GASK1A: variants seen among roughly 807,000 people sequenced by gnomAD.
The protein encoded by GASK1A is Golgi-associated kinase 1A.
In GASK1A, 40 loss-of-function variants were observed where a neutral mutation model predicts 41.2. The observed-to-expected ratio is 0.97, with a 90% CI of 0.75 to 1.27. The LOEUF (loss-of-function observed/expected upper bound fraction) is 1.27, where lower values mean the gene tolerates loss of function less well. Among genes scored for constraint, GASK1A ranks in the 50% most tolerant of loss-of-function variants. The probability of loss-of-function intolerance (pLI) is 0.00; values close to 1 mark genes in which losing one functional copy is unlikely to be tolerated. For missense variants in GASK1A, 678 were observed against 745.1 expected (o/e 0.91, Z 1.05); for synonymous variants, 316 against 307.1 (o/e 1.03, Z -0.30).
intron 2 of GASK1A, among the ~76,000 whole-genome samples, chr3:43,038,600 T>TA (rs1194556308): frequency 3.2e-4 from 4 of 12,442 alleles, no homozygotes; most frequent in African/African-American, 3.5e-4. Flanking sequence ...TCTTTGATCT[T>TA]TAAAAAAAAA....
intron 1 of GASK1A, among the ~76,000 whole-genome samples, chr3:42,996,515 C>T (rs1054291769): frequency 1.3e-5 from 2 of 152,122 alleles, no homozygotes; most frequent in African/African-American, 4.8e-5. Context: ...GAATGGACCA[C>T]CCTATGAAGG....
chr3:43,011,498 C>T (rs765295015), intron 1 of GASK1A, among the ~76,000 whole-genome samples: 14 of 152,088 alleles, frequency 9.2e-5, no homozygotes, highest in Non-Finnish European at 1.8e-4. Context: ...GCAGGGCTGG[C>T]TTCTAGGATT....
chr3:43,040,103 C>T (rs980526802), intron 2 of GASK1A, among the ~76,000 whole-genome samples: 14 of 152,104 alleles, frequency 9.2e-5, no homozygotes, highest in African/African-American at 3.1e-4. Flanking sequence ...CTCATTTCAG[C>T]GTTATTTTTA....
chr3:43,013,317 G>T (rs571882321), intron 1 of GASK1A, among the ~76,000 whole-genome samples: 10 of 152,018 alleles, frequency 6.6e-5, no homozygotes, highest in Admixed American at 4.6e-4. Flanking sequence ...CACAGGAAGG[G>T]GCAGTGAGAA....
At chr3:43,034,406 A>G (rs2089595064) in intron 2 of GASK1A, among the ~76,000 whole-genome samples, 2 of 152,170 alleles carry the variant, frequency 1.3e-5, no homozygotes, top group Non-Finnish European at 1.5e-5. Context: ...GGCACCAGCT[A>G]TTTACTAACT....
chr3:42,980,716 C>A (rs1001180294), intron 1 of GASK1A, among the ~76,000 whole-genome samples: 1 of 152,036 alleles, frequency 6.6e-6, no homozygotes, highest in Non-Finnish European at 1.5e-5. Flanking sequence ...GGGAAGGGTA[C>A]CTTTGAGGCT....
chr3:42,984,192 A>G lies in GASK1A; in HGVS notation c.3+4547A>G, dbSNP rs1353718257. ...CCTCATTTTCTGGATGTGTCTGCACAGGCCTGTGTGTGAAGGACCACTTGG... is the reference window on the plus strand; with the variant it reads ...CCTCATTTTCTGGATGTGTCTGCACGGGCCTGTGTGTGAAGGACCACTTGG... On this transcript the variant is annotated intron_variant, in intron 1 of 4. Transcript: ENST00000430121. This position sits in a 1 kb window ranked among gnomAD's most constrained non-coding sequence, Gnocchi z 4.2. Among the ~76,000 whole-genome samples, 1 of 152,080 alleles carries G rather than the reference A, an allele frequency of 6.6e-6. No individual in the cohort carries two copies. Among genetic ancestry groups the G allele is most frequent in the Admixed American group, 6.5e-5 (1 of 15,272 alleles).
At chr3:43,029,853 G>A (rs984799420) in intron 1 of GASK1A, among the ~76,000 whole-genome samples, 7 of 152,062 alleles carry the variant, frequency 4.6e-5, no homozygotes, top group Admixed American at 1.3e-4. Context: ...AAATGTGTTC[G>A]GTTCCTGCAG....
intron 1 of GASK1A, among the ~76,000 whole-genome samples, chr3:43,004,666 G>A (rs564481468): frequency 1.5e-4 from 23 of 152,136 alleles, no homozygotes; most frequent in Admixed American, 1.4e-3. Flanking sequence ...CTTTCACCAC[G>A]TTTCCCCATC....
intron 1 of GASK1A, among the ~76,000 whole-genome samples, chr3:42,983,742 T>C (rs1203764846): frequency 6.6e-6 from 1 of 152,208 alleles, no homozygotes; most frequent in East Asian, 1.9e-4. Flanking sequence ...CCCTCTCTCT[T>C]CTGGGGTACA....
At chr3:42,992,291 A>G (rs1366701992) in intron 1 of GASK1A, among the ~76,000 whole-genome samples, 1 of 146,172 alleles carries the variant, frequency 6.8e-6, no homozygotes, top group Non-Finnish European at 1.6e-5. Context: ...ATCAGAACTG[A>G]ATTCAAACCC....
rs1214923035 is a variant in GASK1A at position 42,979,486 on chromosome 3, G to A, written c.-157G>A. Reference sequence around the variant, plus strand: ...GCAGGGCCACTTGGCTGCAGAGAACGTGTGCACCTTCAGTCCGGGAAACCC... The same window carrying A: ...GCAGGGCCACTTGGCTGCAGAGAACATGTGCACCTTCAGTCCGGGAAACCC... On this transcript the variant is annotated 5_prime_UTR_variant, in exon 1 of 5. The change creates a new upstream start codon in the 5' untranslated region. Transcript: ENST00000430121. 2 of 716,362 alleles carry A rather than the reference G, an allele frequency of 2.8e-6. No individual in the cohort carries two copies. Among genetic ancestry groups the A allele is most frequent in the Non-Finnish European group, 3.9e-6 (2 of 516,794 alleles). The allele number at this position is 716,362 out of a possible 1,614,324, so 44.4% of individuals were successfully genotyped here.
At position 43,016,466 on chromosome 3, in the gene GASK1A, A is replaced by G. The variant is rs575426280; in HGVS notation, c.4-15801A>G. On this transcript the variant is annotated intron_variant, in intron 1 of 4. Coordinates refer to ENST00000430121, the MANE Select transcript of GASK1A (RefSeq NM_001129908.3). ...AGGAAGGGCAGTGTAAAGTCACAGG[A>G]AGGGGCAATGTGAAGCCCCAGGAAG... Among the ~76,000 whole-genome samples the G allele has an allele frequency of 1.7e-4, 25 of 151,202 alleles. No homozygotes were observed. The East Asian group carries it at 4.7e-3, about 29-fold the overall frequency.
chr3:43,031,161 T>C (rs769123116), intron 1 of GASK1A, among the ~76,000 whole-genome samples: 2 of 152,224 alleles, frequency 1.3e-5, no homozygotes, highest in Non-Finnish European at 2.9e-5. Flanking sequence ...TGATTTGGAC[T>C]AGATTGTCCA....
intron 2 of GASK1A, chr3:43,037,419 C>A: frequency 1.1e-6 from 1 of 896,550 alleles, no homozygotes; most frequent in South Asian, 1.5e-5. Flanking sequence ...AGAAGCTGCT[C>A]TGGAGGCAGC....
At chr3:43,051,374 G>A (rs473467) in intron 2 of GASK1A, among the ~76,000 whole-genome samples, 86,957 of 151,886 alleles carry the variant, frequency 0.57, 25,270 homozygotes, top group Admixed American at 0.65. Context: ...TTTGCCAAAG[G>A]ACTCTGTGTG....
intron 2 of GASK1A, among the ~76,000 whole-genome samples, chr3:43,050,313 C>CT (rs923238089): frequency 9.2e-5 from 14 of 151,836 alleles, no homozygotes; most frequent in Middle Eastern, 3.2e-3. Flanking sequence ...GACAGGCTCT[C>CT]TTTTTTTTAA....
At chr3:43,005,451 A>G (rs1245251338) in intron 1 of GASK1A, among the ~76,000 whole-genome samples, 2 of 152,254 alleles carry the variant, frequency 1.3e-5, no homozygotes, top group African/African-American at 4.8e-5. Flanking sequence ...TACCTGGGAC[A>G]TGAGTCATCC....
chr3:42,979,486 G>C lies in GASK1A; in HGVS notation c.-157G>C. On this transcript the variant is annotated 5_prime_UTR_variant, in exon 1 of 5. Coordinates refer to ENST00000430121, the MANE Select transcript of GASK1A (RefSeq NM_001129908.3). The stretch of plus-strand genomic sequence containing the variant: ...GCAGGGCCACTTGGCTGCAGAGAAC[G>C]TGTGCACCTTCAGTCCGGGAAACCC... 1 of 716,478 alleles carries C rather than the reference G, an allele frequency of 1.4e-6. No individual in the cohort carries two copies. The highest frequency in any genetic ancestry group is 7.2e-5 in the South Asian group (1 of 13,984). The allele number at this position is 716,478 out of a possible 1,614,324, so 44.4% of individuals were successfully genotyped here. A position where few individuals can be genotyped will look rare whatever the true frequency, so the allele number is the denominator to read the frequency against.
Sources: allele counts gnomAD v4.1 joint callset (sites outside exome capture counted in the v4.1 genomes callset), GRCh38; gene constraint gnomAD v4.1.1; non-coding constraint Gnocchi (gnomAD v3.1); transcripts MANE v1.5; gene names NCBI Gene and HGNC (gene_info 2026-07-23, HGNC 2026-07-21).